The following ATP10B variants were observed in gnomAD, a reference collection of about 807,000 sequenced individuals.
The protein encoded by ATP10B is ATPase phospholipid transporting 10B (putative).
Under a neutral mutation model 141.2 loss-of-function variants are expected in ATP10B, and 122 were observed. The observed-to-expected ratio is 0.86, with a 90% CI of 0.75 to 1.00. The LOEUF is 1.00. Among genes scored for constraint, ATP10B ranks in the 50% least tolerant of loss-of-function variants. The pLI is 0.00. For synonymous variants in ATP10B, 685 were observed against 692.0 expected, an observed-to-expected ratio of 0.99 and a Z score of 0.16; for missense variants, 1,876 against 1,825.3, an observed-to-expected ratio of 1.03 and a Z score of -0.51.
chr5:160,723,169 G>A (rs914890996), intron 2 of ATP10B, among the ~76,000 whole-genome samples: 1 of 152,054 alleles, frequency 6.6e-6, no homozygotes, highest in Non-Finnish European at 1.5e-5. Flanking sequence ...TGGAAAATCT[G>A]GGCTGACTAT....
chr5:160,921,868 C>T, the ATP10B span, among the ~76,000 whole-genome samples: 1 of 152,162 alleles, frequency 6.6e-6, no homozygotes, highest in African/African-American at 2.4e-5. Flanking sequence ...ATGACTTATA[C>T]CCGCAGGCAG....
At chr5:160,667,476 G>GA (rs1459811741) in intron 7 of ATP10B, among the ~76,000 whole-genome samples, 1 of 152,064 alleles carries the variant, frequency 6.6e-6, no homozygotes, top group African/African-American at 2.4e-5. Context: ...TTACTAAAAT[G>GA]AAAAAAACAC....
chr5:160,814,961 G>A (rs537833312), intron 1 of ATP10B, among the ~76,000 whole-genome samples: 50 of 152,276 alleles, frequency 3.3e-4, no homozygotes, highest in African/African-American at 1.2e-3. Context: ...CGCCAGGCCT[G>A]CCCTAAAAGA....
At chr5:160,910,145 C>T in the ATP10B span, among the ~76,000 whole-genome samples, 1 of 152,146 alleles carries the variant, frequency 6.6e-6, no homozygotes, top group East Asian at 1.9e-4. Context: ...TCTGTCCTGA[C>T]TCTTAAGAAG....
At chr5:160,634,765 G>A (rs114757835) in intron 11 of ATP10B, among the ~76,000 whole-genome samples, 159 bp from the exon 12 acceptor site, 10 of 152,170 alleles carry the variant, frequency 6.6e-5, no homozygotes, top group Non-Finnish European at 8.8e-5. Context: ...GCATCCCTTG[G>A]AATTCTTAGG....
chr5:160,897,322 C>G, the ATP10B span, among the ~76,000 whole-genome samples: 2 of 152,190 alleles, frequency 1.3e-5, no homozygotes, highest in African/African-American at 4.8e-5. Context: ...ATTCCTTAAG[C>G]TGATAAGCAA....
intron 11 of ATP10B, 27 bp downstream of exon 11, chr5:160,636,155 G>C (rs1477060820): frequency 6.4e-7 from 1 of 1,572,028 alleles, no homozygotes; most frequent in Non-Finnish European, 8.6e-7. Flanking sequence ...TATCTTATTG[G>C]GCCCCTAGTT....
intron 24 of ATP10B, among the ~76,000 whole-genome samples, chr5:160,573,943 A>G (rs990587354): frequency 6.6e-6 from 1 of 152,196 alleles, no homozygotes; most frequent in Non-Finnish European, 1.5e-5. Flanking sequence ...GTCTCCACAT[A>G]TATGTGTGCA....
the ATP10B span, among the ~76,000 whole-genome samples, chr5:160,862,881 T>A: frequency 1.3e-5 from 2 of 151,954 alleles, no homozygotes; most frequent in Non-Finnish European, 1.5e-5. Flanking sequence ...AAAATATATC[T>A]TACCTATACA....
intron 1 of ATP10B, among the ~76,000 whole-genome samples, chr5:160,797,917 C>A (rs1167032381): frequency 1.4e-5 from 2 of 147,030 alleles, no homozygotes; most frequent in African/African-American, 5.1e-5. Flanking sequence ...ATACCAAGAC[C>A]CTGTCATGCA....
chr5:160,919,416 G>A, the ATP10B span, among the ~76,000 whole-genome samples: 1 of 151,950 alleles, frequency 6.6e-6, no homozygotes, highest in Non-Finnish European at 1.5e-5. Context: ...CACAAAGCAA[G>A]TACTCAATCC....
At chr5:160,700,766 G>A (rs1764621570) in intron 3 of ATP10B, among the ~76,000 whole-genome samples, 1 of 152,236 alleles carries the variant, frequency 6.6e-6, no homozygotes, top group Non-Finnish European at 1.5e-5. Flanking sequence ...AAAGTAGGGA[G>A]GAATTTCAAG....
intron 22 of ATP10B, among the ~76,000 whole-genome samples, chr5:160,595,039 A>G (rs1416004229): frequency 1.3e-5 from 2 of 150,244 alleles, no homozygotes; most frequent in East Asian, 2.0e-4. Flanking sequence ...TGCACCAAGC[A>G]GACCTAATAG....
intron 7 of ATP10B, among the ~76,000 whole-genome samples, chr5:160,667,129 A>G (rs1021223996): frequency 6.6e-6 from 1 of 152,160 alleles, no homozygotes; most frequent in Non-Finnish European, 1.5e-5. Flanking sequence ...GAGGCAGGAG[A>G]ATGGCGTGAA....
intron 6 of ATP10B, among the ~76,000 whole-genome samples, chr5:160,679,671 C>T (rs1763256919): frequency 6.6e-6 from 1 of 152,178 alleles, no homozygotes; most frequent in African/African-American, 2.4e-5. Flanking sequence ...CCTTTGAGGG[C>T]ACATAAGGTT....
chr5:160,812,220 C>T (rs1217155404), intron 1 of ATP10B, among the ~76,000 whole-genome samples: 2 of 152,160 alleles, frequency 1.3e-5, no homozygotes, highest in South Asian at 2.1e-4. Flanking sequence ...CTTTGGATGA[C>T]CCTTAATGCA....
intron 6 of ATP10B, among the ~76,000 whole-genome samples, chr5:160,684,233 A>G (rs1480832081): frequency 1.3e-5 from 2 of 152,332 alleles, no homozygotes; most frequent in East Asian, 3.9e-4. Flanking sequence ...AAATAATGCA[A>G]TTTCAGCTTG....
chr5:160,623,839 C>T (rs1413957398), intron 13 of ATP10B, among the ~76,000 whole-genome samples: 2 of 152,134 alleles, frequency 1.3e-5, no homozygotes, highest in African/African-American at 4.8e-5. Flanking sequence ...TGGCATCTTG[C>T]TTTGGCCTGT....
chr5:160,668,315 T>G (rs1351349183), intron 7 of ATP10B, among the ~76,000 whole-genome samples: 1 of 151,166 alleles, frequency 6.6e-6, no homozygotes, highest in Non-Finnish European at 1.5e-5. Context: ...TCTTACATAC[T>G]CATTCACACG....
Sources: gnomAD v4.1 joint callset for allele counts (sites outside exome capture counted in the v4.1 genomes callset) on GRCh38, gnomAD v4.1.1 for gene constraint, MANE v1.5 for transcripts, NCBI Gene and HGNC (gene_info 2026-07-23, HGNC 2026-07-21) for gene names.